Variants in GLRA3 observed in about 807,000 individuals in gnomAD.
GLRA3 encodes the protein glycine receptor subunit alpha-3.
Under a neutral mutation model 60.4 loss-of-function variants are expected in GLRA3, and 44 were observed. The observed-to-expected ratio is 0.73, with a 90% confidence interval of 0.57 to 0.94. The LOEUF (loss-of-function observed/expected upper bound fraction) is 0.94. Ranked by LOEUF, GLRA3 falls within the 40% of genes least tolerant of loss-of-function variation. GLRA3 has a pLI of 0.00. For synonymous variants in GLRA3, 223 were observed against 192.9 expected (o/e 1.16, Z -1.29); for missense variants, 508 against 564.6 (o/e 0.90, Z 1.02).
chr4:174,752,931 C>T (rs1433089594), intron 3 of GLRA3, among the ~76,000 whole-genome samples: 3 of 152,088 alleles, frequency 2.0e-5, no homozygotes, highest in Non-Finnish European at 4.4e-5. Context: ...GATTATAGTA[C>T]TACCTTTGTG....
chr4:174,751,597 A>G (rs1334835567), intron 3 of GLRA3, among the ~76,000 whole-genome samples: 1 of 152,174 alleles, frequency 6.6e-6, no homozygotes, highest in Admixed American at 6.6e-5. Context: ...GGGCATAATC[A>G]TGAATCCCTT....
At chr4:174,783,598 A>G (rs1035149099) in intron 2 of GLRA3, among the ~76,000 whole-genome samples, 1 of 142,508 alleles carries the variant, frequency 7.0e-6, no homozygotes, top group Non-Finnish European at 1.5e-5. Context: ...TCCAGAATCT[A>G]CAATGAACTC....
At chr4:174,769,140 T>C (rs1481743651) in intron 2 of GLRA3, among the ~76,000 whole-genome samples, 1 of 152,096 alleles carries the variant, frequency 6.6e-6, no homozygotes, top group Non-Finnish European at 1.5e-5. Context: ...CTTCGGATAT[T>C]TACCTCAATT....
chr4:174,728,941 A>G (rs1288676631), intron 3 of GLRA3, among the ~76,000 whole-genome samples: 1 of 152,206 alleles, frequency 6.6e-6, no homozygotes, highest in Non-Finnish European at 1.5e-5. Context: ...ATAAAGTCTT[A>G]TAAAAAAGAG....
intron 2 of GLRA3, among the ~76,000 whole-genome samples, chr4:174,773,623 G>A (rs1561109205): frequency 6.6e-6 from 1 of 152,036 alleles, no homozygotes; most frequent in African/African-American, 2.4e-5. Context: ...TTAGATAAAT[G>A]CACACACATG....
intron 3 of GLRA3, among the ~76,000 whole-genome samples, chr4:174,756,893 G>A (rs1394642495): frequency 6.6e-6 from 1 of 152,180 alleles, no homozygotes; most frequent in East Asian, 1.9e-4. Context: ...TGATCCACCC[G>A]CCACGGCCTC....
intron 6 of GLRA3, among the ~76,000 whole-genome samples, chr4:174,680,564 A>T (rs1331524944): frequency 6.6e-6 from 1 of 152,156 alleles, no homozygotes; most frequent in Non-Finnish European, 1.5e-5. Context: ...CAGAAGGAAG[A>T]GCAAGAGCAA....
At chr4:174,803,701 A>T (rs1209917995) in intron 1 of GLRA3, among the ~76,000 whole-genome samples, 1 of 152,148 alleles carries the variant, frequency 6.6e-6, no homozygotes, top group Non-Finnish European at 1.5e-5. Context: ...GGTCAGGGAT[A>T]TTTTTAATTG....
intron 1 of GLRA3, among the ~76,000 whole-genome samples, chr4:174,826,692 T>C (rs1740982805): frequency 6.6e-6 from 1 of 152,194 alleles, no homozygotes; most frequent in African/African-American, 2.4e-5. Flanking sequence ...GCCTCCAAAT[T>C]GCCCTGGTAA....
intron 1 of GLRA3, among the ~76,000 whole-genome samples, chr4:174,806,177 G>A (rs935919135): frequency 2.0e-5 from 3 of 152,178 alleles, no homozygotes; most frequent in African/African-American, 7.2e-5. Context: ...AAATAATTAA[G>A]CTTAAAATTA....
At chr4:174,660,861 A>T (rs1733405513) in intron 7 of GLRA3, among the ~76,000 whole-genome samples, 2 of 152,326 alleles carry the variant, frequency 1.3e-5, no homozygotes, top group African/African-American at 4.8e-5. Context: ...ATACATTAAC[A>T]TCATTATTTA....
intron 7 of GLRA3, among the ~76,000 whole-genome samples, chr4:174,667,561 A>G (rs549675991): frequency 1.6e-4 from 24 of 152,306 alleles, no homozygotes; most frequent in African/African-American, 5.8e-4. Context: ...ATTCAGTAAT[A>G]TGAATTGTAA....
intron 5 of GLRA3, among the ~76,000 whole-genome samples, chr4:174,698,466 A>T: frequency 6.6e-6 from 1 of 152,086 alleles, no homozygotes; most frequent in Non-Finnish European, 1.5e-5. Context: ...TGGGATTACA[A>T]GTGTGAGCCA....
At chr4:174,653,835 T>C (rs1443369080) in intron 9 of GLRA3, among the ~76,000 whole-genome samples, 1 of 152,126 alleles carries the variant, frequency 6.6e-6, no homozygotes, top group Non-Finnish European at 1.5e-5. Context: ...ACAGAGATTA[T>C]ATTATTTTAT....
intron 3 of GLRA3, among the ~76,000 whole-genome samples, chr4:174,739,970 C>A (rs1360902779): frequency 6.6e-6 from 1 of 152,164 alleles, no homozygotes; most frequent in Non-Finnish European, 1.5e-5. Context: ...AACACCTTAT[C>A]CCTATTGCAG....
intron 6 of GLRA3, among the ~76,000 whole-genome samples, chr4:174,678,533 C>A (rs983330666): frequency 2.6e-5 from 4 of 152,194 alleles, no homozygotes; most frequent in Admixed American, 2.0e-4. Flanking sequence ...AGCTTCTATT[C>A]ATGTGACTTG....
chr4:174,785,270 C>T (rs1223055873), intron 2 of GLRA3, among the ~76,000 whole-genome samples: 1 of 151,968 alleles, frequency 6.6e-6, no homozygotes, highest in African/African-American at 2.4e-5. Flanking sequence ...TAGAAAGCAG[C>T]AAAATCAAAG....
At chr4:174,664,063 T>A (rs1446231316) in intron 7 of GLRA3, among the ~76,000 whole-genome samples, 1 of 152,184 alleles carries the variant, frequency 6.6e-6, no homozygotes, top group Non-Finnish European at 1.5e-5. Flanking sequence ...GAAAGCTTCC[T>A]TCTCAGGGGG....
At chr4:174,813,468 T>C (rs1740350754) in intron 1 of GLRA3, among the ~76,000 whole-genome samples, 1 of 152,166 alleles carries the variant, frequency 6.6e-6, no homozygotes, top group Non-Finnish European at 1.5e-5. Context: ...AACTACAGCG[T>C]AGCCACACCA....
Sources: allele counts gnomAD v4.1 joint callset (sites outside exome capture counted in the v4.1 genomes callset), GRCh38; gene constraint gnomAD v4.1.1; transcripts MANE v1.5; gene names NCBI Gene and HGNC (gene_info 2026-07-23, HGNC 2026-07-21).